Variants in ABCA9 observed in about 807,000 individuals in gnomAD.
The protein encoded by ABCA9 is ATP binding cassette subfamily A member 9.
ABCA9 carries 183 observed loss-of-function variants against 205.3 expected under a neutral mutation model. That is an observed-to-expected ratio of 0.89 (90% CI 0.79 to 1.01). ABCA9 has a LOEUF of 1.01. Among genes scored for constraint, ABCA9 ranks in the 50% least tolerant of loss-of-function variants. The pLI, the probability that ABCA9 is intolerant of heterozygous loss-of-function variation, is 0.00. For missense variants in ABCA9, 1,805 were observed against 1,912.4 expected, an observed-to-expected ratio of 0.94 and a Z score of 1.05; for synonymous variants, 651 against 683.3, an observed-to-expected ratio of 0.95 and a Z score of 0.74.
At chr17:68,977,811 C>T (rs1480865600) in intron 37 of ABCA9, among the ~76,000 whole-genome samples, 1 of 152,158 alleles carries the variant, frequency 6.6e-6, no homozygotes, top group Non-Finnish European at 1.5e-5. Flanking sequence ...TACTTTGTGT[C>T]GTCTTCACAT....
At chr17:69,065,149 T>A (rs530089734), upstream of ABCA9, among the ~76,000 whole-genome samples, 1 of 152,320 alleles carries the variant, frequency 6.6e-6, no homozygotes, top group East Asian at 1.9e-4. Context: ...TATAGATTTT[T>A]GGGTTTTGTC....
chr17:69,064,460 A>G (rs1476553826), upstream of ABCA9, among the ~76,000 whole-genome samples: 1 of 152,196 alleles, frequency 6.6e-6, no homozygotes. Context: ...AACTTAAAAC[A>G]TTAGCTCTAC....
chr17:69,012,559 G>A (rs888955978), intron 22 of ABCA9, among the ~76,000 whole-genome samples: 3 of 151,872 alleles, frequency 2.0e-5, no homozygotes, highest in Non-Finnish European at 4.4e-5. Context: ...AGAGGATCTT[G>A]AGTTTTGCTA....
intron 22 of ABCA9, among the ~76,000 whole-genome samples, chr17:69,014,437 G>GA (rs74322359): frequency 5.3e-5 from 8 of 152,174 alleles, no homozygotes; most frequent in East Asian, 3.9e-4. Context: ...TCCAAAATCT[G>GA]AAAAAATCGA....
chr17:68,995,899 G>GA lies in ABCA9; in HGVS notation c.3550dup (p.Ser1184PhefsTer2). 1.2e-6 allele frequency: 2 copies of GA among 1,613,454 alleles called. No homozygotes were observed. The highest frequency in any genetic ancestry group is 1.7e-6 in the Non-Finnish European group (2 of 1,179,892). On this transcript the variant is annotated frameshift_variant, in exon 26 of 39. Coordinates refer to ENST00000340001, the MANE Select transcript of ABCA9 (RefSeq NM_080283.4). LOFTEE classifies it high-confidence loss of function. ...GACAGAAGTGGAACTACTTACCTCA[G>GA]AAAAAATGAATAGAGAGCCAATCAA...
chr17:69,041,690 C>A (rs2071543219), intron 6 of ABCA9, among the ~76,000 whole-genome samples: 1 of 138,598 alleles, frequency 7.2e-6, no homozygotes, highest in Non-Finnish European at 1.5e-5. Flanking sequence ...GGTGACGGAG[C>A]AAGACTCTGT....
chr17:69,070,912 T>A, the ABCA9 span, among the ~76,000 whole-genome samples: 1 of 152,120 alleles, frequency 6.6e-6, no homozygotes, highest in South Asian at 2.1e-4. Context: ...ACGGGAGGGG[T>A]GTCTGCCATT....
At chr17:69,072,319 G>A in the ABCA9 span, among the ~76,000 whole-genome samples, 23 of 152,142 alleles carry the variant, frequency 1.5e-4, no homozygotes, top group African/African-American at 5.1e-4. Flanking sequence ...TTGAAATGAG[G>A]GAAAAAATGT....
chr17:69,035,678 G>A lies in ABCA9; in HGVS notation c.924C>T (p.Leu308=). The change falls in exon 7 of 39, where the codon CTC becomes CTT. Residue 308 remains leucine (L), a synonymous_variant. Coordinates refer to ENST00000340001, the MANE Select transcript of ABCA9 (RefSeq NM_080283.4). The stretch of plus-strand genomic sequence containing the variant: ...AACTCACCAAAGACAGGCCATAGAG[G>A]AGAAAGAGGGTGAAGACCATCACAA... ...TGFVMVFTLF[L]LYGLSLITLA... The A allele has an allele frequency of 6.2e-7, 1 of 1,613,498 alleles. No homozygotes were observed. The highest frequency in any genetic ancestry group is 1.1e-5 in the South Asian group (1 of 91,048).
chr17:68,994,769 C>G (rs1289851639), intron 26 of ABCA9, among the ~76,000 whole-genome samples: 1 of 152,164 alleles, frequency 6.6e-6, no homozygotes, highest in Non-Finnish European at 1.5e-5. Context: ...TTATGGACAG[C>G]ACCCCCTCCA....
intron 1 of ABCA9, among the ~76,000 whole-genome samples, chr17:69,056,990 A>G (rs969804650): frequency 2.0e-5 from 3 of 152,210 alleles, no homozygotes; most frequent in Non-Finnish European, 4.4e-5. Context: ...GGGAGACGGT[A>G]TGGGCATAAA....
intron 6 of ABCA9, chr17:69,042,684 T>C (rs2071582870): frequency 6.6e-6 from 1 of 152,236 alleles, no homozygotes; most frequent in Non-Finnish European, 1.5e-5. Context: ...GCCCTGAGTA[T>C]TGGCAAACAT....
rs181337318 is a variant in ABCA9 at position 69,027,336 on chromosome 17, A to T, written c.1905T>A (p.Asp635Glu). 4.7e-5 allele frequency: 76 copies of T among 1,612,788 alleles called. No individual in the cohort carries two copies. In the Admixed American group the frequency reaches 1.2e-3, roughly 26 times the overall value. ...TAATTTTTGTTTGACTTACTTGAGG[A>T]TCTCCTAAAATGGCAATCCCAAAAG... ...KLTFGIAILG[D>E]PQVLLLDEPT... Residue 635 changes from aspartate (D) to glutamate (E), a missense_variant, in exon 14 of 39, where the codon GAT becomes GAA. Coordinates refer to ENST00000340001, the MANE Select transcript of ABCA9 (RefSeq NM_080283.4).
intron 10 of ABCA9, among the ~76,000 whole-genome samples, chr17:69,030,391 T>C (rs2144357511): frequency 6.6e-6 from 1 of 152,294 alleles, no homozygotes; most frequent in South Asian, 2.1e-4. Context: ...TTCTTATAAA[T>C]ACACTAGTTC....
At chr17:69,061,664 C>T (rs147160507), upstream of ABCA9, among the ~76,000 whole-genome samples, 460 of 152,316 alleles carry the variant, frequency 3.0e-3, 2 homozygotes, top group African/African-American at 9.8e-3. Context: ...ACTTTCTCCA[C>T]CAGTAACTAC....
chr17:69,031,421 G>A (rs1174099746), intron 10 of ABCA9, among the ~76,000 whole-genome samples: 1 of 152,194 alleles, frequency 6.6e-6, no homozygotes, highest in Non-Finnish European at 1.5e-5. Flanking sequence ...AATGTCCTGA[G>A]TTAAAATATT....
At position 68,984,249 on chromosome 17, in the gene ABCA9, C is replaced by T. The variant is rs1372292512; in HGVS notation, c.4380-74G>A. 14 of 1,571,908 alleles carry T rather than the reference C, an allele frequency of 8.9e-6. No individual in the cohort carries two copies. In the Admixed American group the frequency reaches 1.1e-4, roughly 12 times the overall value. On this transcript the variant is annotated intron_variant, in intron 34 of 38. Coordinates refer to ENST00000340001, the MANE Select transcript of ABCA9 (RefSeq NM_080283.4). The stretch of plus-strand genomic sequence containing the variant: ...ATTTGGAATTTTAAAAAGAAGTTTC[C>T]ATCGACGCAAAGATGAAACATGCAG...
At chr17:68,991,987 A>G (rs1027807775) in intron 28 of ABCA9, among the ~76,000 whole-genome samples, 188 bp downstream of exon 28, 3 of 152,216 alleles carry the variant, frequency 2.0e-5, no homozygotes, top group African/African-American at 4.8e-5. Flanking sequence ...GTGTGCTAAT[A>G]TGGTTTCTCT....
chr17:69,033,854 T>A lies in ABCA9; in HGVS notation c.1148A>T (p.Asp383Val), dbSNP rs2071243607. 1.9e-6 allele frequency: 3 copies of A among 1,602,538 alleles called. No individual in the cohort carries two copies. In the South Asian group the frequency reaches 3.3e-5, roughly 18 times the overall value. Residue 383 changes from aspartate (D) to valine (V), a missense_variant, in exon 9 of 39, where the codon GAT becomes GTT. Physicochemically the swap from Asp to Val is radical, Grantham distance 152. Transcript: ENST00000340001. Reference sequence around the variant, plus strand: ...ATCCAAGTGGGCATTAGAATTCACATCATAGTCCAAATGTATAAGCTGAAA... The same window carrying A: ...ATCCAAGTGGGCATTAGAATTCACAACATAGTCCAAATGTATAAGCTGAAA... ...GMAQLIHLDYDVNSNAHLDSS... is the reference protein window; with the variant it reads ...GMAQLIHLDYVVNSNAHLDSS...
Sources: allele counts gnomAD v4.1 joint callset (sites outside exome capture counted in the v4.1 genomes callset), GRCh38; gene constraint gnomAD v4.1.1; transcripts MANE v1.5; gene names NCBI Gene and HGNC (gene_info 2026-07-23, HGNC 2026-07-21).